PIGZ: variants seen among roughly 807,000 people sequenced by gnomAD.
The protein encoded by PIGZ is phosphatidylinositol glycan anchor biosynthesis class Z (Gwada blood group), also known as GPI alpha-1,2-mannosyltransferase 4.
A neutral mutation model predicts 16.4 loss-of-function variants in PIGZ; 16 were observed. The ratio of observed to expected loss-of-function variants is 0.97; its 90% CI spans 0.66 to 1.48. The LOEUF is 1.48. Ranked by LOEUF, PIGZ falls within the 40% of genes most tolerant of loss-of-function variation. The pLI is 0.00. For synonymous variants in PIGZ, 409 were observed against 338.4 expected, an observed-to-expected ratio of 1.21 and a Z score of -2.29; for missense variants, 770 against 739.2, an observed-to-expected ratio of 1.04 and a Z score of -0.48.
chr3:196,947,891 C>T lies in PIGZ; in HGVS notation c.1006G>A (p.Ala336Thr), dbSNP rs1221620245. Reference protein sequence around the residue: ...FGVLHAQALQAAWQRLQVGLQ... With the variant: ...FGVLHAQALQTAWQRLQVGLQ... The stretch of plus-strand genomic sequence containing the variant: ...CCGACTTGCAGCCGTTGCCACGCAG[C>T]CTGCAGGGCCTGGGCATGCAGCACC... The change falls in exon 3 of 3, where the codon GCT (alanine) becomes ACT (threonine). Residue 336 changes from alanine (A) to threonine (T), a missense_variant. Physicochemically the swap from Ala to Thr is moderately conservative, Grantham distance 58. Transcript: ENST00000412723. 6.2e-7 allele frequency: 1 copy of T among 1,613,972 alleles called. No individual in the cohort carries two copies. The highest frequency in any genetic ancestry group is 1.1e-5 in the South Asian group (1 of 91,080).
intron 1 of PIGZ, among the ~76,000 whole-genome samples, chr3:196,958,534 G>A (rs1333258810): frequency 1.3e-5 from 2 of 152,260 alleles, no homozygotes; most frequent in Non-Finnish European, 2.9e-5. Context: ...GGGAAGCTGA[G>A]GCAGGAGAAT....
Position 196,947,510 on chromosome 3 carries a change from TGAAGA to T in PIGZ, c.1382_1386del (p.Leu461HisfsTer29). The T allele has an allele frequency of 6.2e-7, 1 of 1,613,042 alleles. No homozygotes were observed. Among genetic ancestry groups the T allele is most frequent in the Non-Finnish European group, 8.5e-7 (1 of 1,179,854 alleles). ...TGCCGGGGGGGCATGTAGGTGTGAG[TGAAGA>T]GGAGTGTGTAGTGGGTGGGTGTGCT... is the stretch of plus-strand genomic sequence containing the variant. On this transcript the variant is annotated frameshift_variant, in exon 3 of 3. Coordinates refer to ENST00000412723, the MANE Select transcript of PIGZ (RefSeq NM_025163.4). LOFTEE classifies it high-confidence loss of function.
In PIGZ at chr3:196,948,359, T is replaced by G; in HGVS notation, c.538A>C (p.Ile180Leu). The G allele has an allele frequency of 1.2e-6, 2 of 1,614,058 alleles. No homozygotes were observed. Among genetic ancestry groups the G allele is most frequent in the South Asian group, 2.2e-5 (2 of 91,078 alleles). Residue 180 changes from isoleucine (I) to leucine (L), a missense_variant, in exon 3 of 3, where the codon ATT (isoleucine) becomes CTT (leucine). By Grantham distance (5) the Ile-to-Leu change is conservative. Coordinates refer to ENST00000412723, the MANE Select transcript of PIGZ (RefSeq NM_025163.4). ...AGCCACGTGAAGAGGAGTCCCTCAATGGTGTTGGAGAAGGTCCTTGTGTAG... is the reference window on the plus strand; with the variant it reads ...AGCCACGTGAAGAGGAGTCCCTCAAGGGTGTTGGAGAAGGTCCTTGTGTAG... ...VFYTRTFSNT[I>L]EGLLFTWLLV...
rs1560181689 is a variant in PIGZ at position 196,949,032 on chromosome 3, TCCCTTCCTTCCTTCCCTTCCCTTCCTTC to T, written c.212-375_212-348del. On this transcript the variant is annotated intron_variant, in intron 2 of 2. Transcript: ENST00000412723. ...TTTCCCTCCCCTCCCTTCCCTTCCT[TCCCTTCCTTCCTTCCCTTCCCTTCCTTC>T]CCCTTCCTTCGCTTCGTTCATCTCT... is the stretch of plus-strand genomic sequence containing the variant. Among the ~76,000 whole-genome samples the T allele has an allele frequency of 2.2e-4, 10 of 46,048 alleles. 1 individual carries two copies. The highest frequency in any genetic ancestry group is 1.8e-3 in the South Asian group (3 of 1,622). The allele number at this position is 46,048 out of a possible 152,430, so 30.2% of individuals were successfully genotyped here. A position where few individuals can be genotyped will look rare whatever the true frequency, so the allele number is the denominator to read the frequency against.
In PIGZ at chr3:196,965,059, G is replaced by C. The variant is rs1029919231; in HGVS notation, c.-1+3628C>G. 6.6e-6 allele frequency among the ~76,000 whole-genome samples: 1 copy of C among 152,158 alleles called. No individual in the cohort carries two copies. Among genetic ancestry groups the C allele is most frequent in the African/African-American group, 2.4e-5 (1 of 41,432 alleles). The stretch of plus-strand genomic sequence containing the variant: ...GAACTCATCACCTTCCCTGGAATGA[G>C]CCCTGTCCCCATGCTCCCTACAGCA... On this transcript the variant is annotated intron_variant, in intron 1 of 2. Transcript: ENST00000412723. The surrounding 1 kb of genome is among the most constrained non-coding windows in gnomAD (Gnocchi z 4.2).
In PIGZ at chr3:196,947,913, C is replaced by G; in HGVS notation, c.984G>C (p.Val328=). ...LAVNGFLLFG[V]LHAQALQAAW... ...CAGCCTGCAGGGCCTGGGCATGCAGCACCCCGAAGAGCAGGAAGCCGTTGA... is the reference window on the plus strand; with the variant it reads ...CAGCCTGCAGGGCCTGGGCATGCAGGACCCCGAAGAGCAGGAAGCCGTTGA... The change falls in exon 3 of 3, where the codon GTG becomes GTC. Residue 328 remains valine (V), a synonymous_variant. Transcript: ENST00000412723. 6.2e-7 allele frequency: 1 copy of G among 1,613,926 alleles called. No individual in the cohort carries two copies. Among genetic ancestry groups the G allele is most frequent in the South Asian group, 1.1e-5 (1 of 91,074 alleles).
intron 1 of PIGZ, among the ~76,000 whole-genome samples, chr3:196,966,608 T>C (rs1717935806): frequency 6.6e-6 from 1 of 152,116 alleles, no homozygotes; most frequent in Non-Finnish European, 1.5e-5. Flanking sequence ...CCGGAGAAGG[T>C]GACAACGTAG....
At chr3:196,951,534 C>A (rs927147159) in intron 2 of PIGZ, 6 of 475,006 alleles carry the variant, frequency 1.3e-5, no homozygotes, top group African/African-American at 3.9e-5. Context: ...CATGGGAAGT[C>A]CAACACAGCT....
intron 1 of PIGZ, 150 bp from the exon 2 acceptor site, chr3:196,952,181 G>A (rs750256608): frequency 5.7e-5 from 43 of 753,792 alleles, no homozygotes; most frequent in South Asian, 4.3e-4. Context: ...TGCCAGGCAC[G>A]TGACATGCAT....
rs2108892318 is a variant in PIGZ, at chr3:196,947,531, T to C, written c.1366A>G (p.Thr456Ala). 1.2e-6 allele frequency: 2 copies of C among 1,613,394 alleles called. No individual in the cohort carries two copies. Among genetic ancestry groups the C allele is most frequent in the East Asian group, 2.2e-5 (1 of 44,852 alleles). Reference protein sequence around the residue: ...VHAPVLPSTPTHYTLLFTHTY... With the variant: ...VHAPVLPSTPAHYTLLFTHTY... ...TGAGTGAAGAGGAGTGTGTAGTGGG[T>C]GGGTGTGCTTGGGAGCACAGGGGCA... is the stretch of plus-strand genomic sequence containing the variant. Residue 456 changes from threonine to alanine, a missense_variant, in exon 3 of 3, where the codon ACC becomes GCC. By Grantham distance (58) the Thr-to-Ala change is moderately conservative (BLOSUM62 0). Coordinates refer to ENST00000412723, the MANE Select transcript of PIGZ (RefSeq NM_025163.4).
intron 1 of PIGZ, among the ~76,000 whole-genome samples, chr3:196,968,298 CA>C: frequency 6.6e-6 from 1 of 152,284 alleles, no homozygotes; most frequent in South Asian, 2.1e-4. Context: ...TGTTTCATAC[CA>C]GGGGGAACTG....
chr3:196,963,616 C>G (rs563360992), intron 1 of PIGZ, among the ~76,000 whole-genome samples: 1 of 152,236 alleles, frequency 6.6e-6, no homozygotes, highest in Non-Finnish European at 1.5e-5. Flanking sequence ...TACACCTTCC[C>G]AAACCAGTCA....
At chr3:196,955,875 G>A (rs548165630) in intron 1 of PIGZ, among the ~76,000 whole-genome samples, 4 of 151,808 alleles carry the variant, frequency 2.6e-5, no homozygotes, top group South Asian at 2.1e-4. Context: ...CACTGCGCCC[G>A]GCCAATTTAG....
rs1404070665 is a variant in PIGZ at position 196,946,510 on chromosome 3, A to G, written c.*647T>C. On this transcript the variant is annotated 3_prime_UTR_variant, in exon 3 of 3. Transcript: ENST00000412723. ...GTGCCTGTTGAGGCAGGGGACGTGTACTGTGGACTCCAGGAATGACACAAT... is the reference window on the plus strand; with the variant it reads ...GTGCCTGTTGAGGCAGGGGACGTGTGCTGTGGACTCCAGGAATGACACAAT... 1 of 152,292 alleles carries G rather than the reference A, an allele frequency of 6.6e-6. No homozygotes were observed. The highest frequency in any genetic ancestry group is 1.5e-5 in the Non-Finnish European group (1 of 68,090). 9.4% of individuals were successfully genotyped at this position (152,292 alleles called of 1,614,324 possible). A position where few individuals can be genotyped will look rare whatever the true frequency, so the allele number is the denominator to read the frequency against.
intron 1 of PIGZ, among the ~76,000 whole-genome samples, chr3:196,960,684 AG>A (rs1449204358): frequency 6.8e-6 from 1 of 147,812 alleles, no homozygotes; most frequent in Non-Finnish European, 1.5e-5. Context: ...AAAAGAAAAA[AG>A]ATGAAAGAAA....
chr3:196,948,313 T>C lies in PIGZ; in HGVS notation c.584A>G (p.His195Arg), dbSNP rs903812516. ...FTWLLVLVSS[H>R]VTWGPTRKEP... ...CTTGCGTGTAGGGCCCCACGTTACATGGGAGGATACCAGCACCAGCAGCCA... is the reference window on the plus strand; with the variant it reads ...CTTGCGTGTAGGGCCCCACGTTACACGGGAGGATACCAGCACCAGCAGCCA... The change falls in exon 3 of 3, where the codon CAT (histidine) becomes CGT (arginine). Residue 195 changes from histidine to arginine, a missense_variant. Transcript: ENST00000412723. The C allele has an allele frequency of 9.9e-6, 16 of 1,614,008 alleles. No homozygotes were observed. Among genetic ancestry groups the C allele is most frequent in the Non-Finnish European group, 1.1e-5 (13 of 1,179,996 alleles).
chr3:196,948,167 G>A lies in PIGZ; in HGVS notation c.730C>T (p.Arg244Cys), dbSNP rs371200433. 137 of 1,613,282 alleles carry A rather than the reference G, an allele frequency of 8.5e-5. 1 individual carries two copies. In the East Asian group the frequency reaches 1.4e-3, roughly 17 times the overall value. ...TTCAAACCAGGGTTTGTGGCTCCACGAGTGCCCCAGAGGTAGAGGGGGACC... is the reference window on the plus strand; with the variant it reads ...TTCAAACCAGGGTTTGTGGCTCCACAAGTGCCCCAGAGGTAGAGGGGGACC... ...AVVPLYLWGT[R>C]GATNPGLKSL... Residue 244 changes from arginine to cysteine, a missense_variant, in exon 3 of 3, where the codon CGT (arginine) becomes TGT (cysteine). Arg to Cys is a radical substitution (Grantham distance 180). Coordinates refer to ENST00000412723, the MANE Select transcript of PIGZ (RefSeq NM_025163.4).
At chr3:196,959,384 T>C (rs1326660497) in intron 1 of PIGZ, among the ~76,000 whole-genome samples, 22 of 152,236 alleles carry the variant, frequency 1.4e-4, no homozygotes, top group Admixed American at 1.4e-3. Flanking sequence ...AAGGGGATCA[T>C]ACAATGTTTG....
intron 1 of PIGZ, among the ~76,000 whole-genome samples, chr3:196,954,875 T>C (rs1717418685): frequency 6.6e-6 from 1 of 152,208 alleles, no homozygotes; most frequent in African/African-American, 2.4e-5. Flanking sequence ...ACTTACTGGA[T>C]ATGGAGTTCT....
Sources: gnomAD v4.1 joint callset for allele counts (sites outside exome capture counted in the v4.1 genomes callset) on GRCh38, gnomAD v4.1.1 for gene constraint, Gnocchi (gnomAD v3.1) non-coding constraint, MANE v1.5 for transcripts, NCBI Gene and HGNC (gene_info 2026-07-23, HGNC 2026-07-21) for gene names.